The following MMP20 variants were observed in gnomAD, a reference collection of about 807,000 sequenced individuals.
MMP20 encodes matrix metalloproteinase-20.
MMP20 carries 50 observed loss-of-function variants against 51.8 expected under a neutral mutation model. The ratio of observed to expected loss-of-function variants is 0.97; its 90% CI spans 0.77 to 1.22. The LOEUF (loss-of-function observed/expected upper bound fraction) is 1.22, where lower values mean the gene tolerates loss of function less well. Among genes scored for constraint, MMP20 ranks in the 50% most tolerant of loss-of-function variants. The pLI, the probability that MMP20 is intolerant of heterozygous loss-of-function variation, is 0.00. For synonymous variants in MMP20, 244 were observed against 216.2 expected, an observed-to-expected ratio of 1.13 and a Z score of -1.13; for missense variants, 663 against 601.4, an observed-to-expected ratio of 1.10 and a Z score of -1.07.
chr11:102,625,081 T>G, intron 1 of MMP20, 113 bp downstream of exon 1: 1 of 1,393,380 alleles, frequency 7.2e-7, no homozygotes, highest in Non-Finnish European at 1.0e-6. Flanking sequence ...TCAATGGACT[T>G]ATATAAAATG....
intron 6 of MMP20, among the ~76,000 whole-genome samples, chr11:102,602,523 A>G (rs1859461533): frequency 6.6e-6 from 1 of 152,154 alleles, no homozygotes; most frequent in Non-Finnish European, 1.5e-5. Flanking sequence ...CAAATGCATA[A>G]CAGTCAATGG....
intron 8 of MMP20, among the ~76,000 whole-genome samples, chr11:102,579,883 A>G (rs1336948631): frequency 6.6e-6 from 1 of 152,198 alleles, no homozygotes; most frequent in Non-Finnish European, 1.5e-5. Flanking sequence ...TTCTCTATCA[A>G]TTCCTTGGTT....
chr11:102,594,943 TG>T (rs1374736564), intron 6 of MMP20, among the ~76,000 whole-genome samples, 186 bp from the exon 7 acceptor site: 1 of 150,808 alleles, frequency 6.6e-6, no homozygotes, highest in Non-Finnish European at 1.5e-5. Flanking sequence ...TCTTGCTGTT[TG>T]GCCCAGGCTG....
At chr11:102,600,510 G>A (rs1859432970) in intron 6 of MMP20, among the ~76,000 whole-genome samples, 2 of 151,958 alleles carry the variant, frequency 1.3e-5, no homozygotes, top group Non-Finnish European at 2.9e-5. Flanking sequence ...TTAAGATAGG[G>A]TCTCGCTCTG....
At chr11:102,607,641 G>GCA (rs1565396725) in intron 5 of MMP20, 1 of 138,698 alleles carries the variant, frequency 7.2e-6, no homozygotes. Context: ...GCGATCGGGT[G>GCA]GGTGATATGA....
chr11:102,582,897 T>C (rs773960725), intron 8 of MMP20, among the ~76,000 whole-genome samples: 24 of 152,206 alleles, frequency 1.6e-4, no homozygotes, highest in Non-Finnish European at 3.1e-4. Context: ...ATAACAAACA[T>C]CACATGCTGT....
chr11:102,618,157 G>T (rs1427742572), intron 1 of MMP20, among the ~76,000 whole-genome samples: 4 of 152,042 alleles, frequency 2.6e-5, no homozygotes, highest in African/African-American at 7.2e-5. Flanking sequence ...CAAAAAAAAT[G>T]TCTGTTTTGA....
At chr11:102,578,228 C>T (rs1159294385) in intron 9 of MMP20, among the ~76,000 whole-genome samples, 5 of 151,716 alleles carry the variant, frequency 3.3e-5, no homozygotes, top group East Asian at 1.9e-4. Context: ...ACCGCAGCCT[C>T]GACCTCCTGA....
At chr11:102,616,428 A>G (rs1208569285) in intron 2 of MMP20, among the ~76,000 whole-genome samples, 3 of 152,222 alleles carry the variant, frequency 2.0e-5, no homozygotes, top group African/African-American at 7.2e-5. Context: ...ATCATCAATA[A>G]AAGATTTTTG....
At chr11:102,612,886 G>A (rs977328762) in intron 2 of MMP20, among the ~76,000 whole-genome samples, 3 of 151,920 alleles carry the variant, frequency 2.0e-5, no homozygotes, top group East Asian at 3.9e-4. Context: ...ATAGGTGCCC[G>A]CCACCACGCC....
chr11:102,592,844 C>T (rs1440865517), intron 8 of MMP20, among the ~76,000 whole-genome samples: 1 of 152,192 alleles, frequency 6.6e-6, no homozygotes, highest in Admixed American at 6.5e-5. Context: ...AGGTGTGACC[C>T]TATGTGCAGT....
At chr11:102,581,170 G>A (rs1195166001) in intron 8 of MMP20, among the ~76,000 whole-genome samples, 3 of 136,720 alleles carry the variant, frequency 2.2e-5, no homozygotes, top group Non-Finnish European at 3.3e-5. Flanking sequence ...ACATGCACAC[G>A]CACACACCAC....
intron 8 of MMP20, among the ~76,000 whole-genome samples, chr11:102,583,785 C>T (rs561995310): frequency 6.6e-6 from 1 of 152,350 alleles, no homozygotes; most frequent in Admixed American, 6.5e-5. Flanking sequence ...AGTCCCCATA[C>T]TCCACATCCT....
chr11:102,591,086 A>C (rs1859311732), intron 8 of MMP20, among the ~76,000 whole-genome samples: 1 of 152,242 alleles, frequency 6.6e-6, no homozygotes, highest in African/African-American at 2.4e-5. Flanking sequence ...AACCAATAGA[A>C]GGCTTCATAT....
chr11:102,580,953 A>G (rs1236062734), intron 8 of MMP20, among the ~76,000 whole-genome samples: 6 of 152,204 alleles, frequency 3.9e-5, no homozygotes, highest in Admixed American at 3.9e-4. Context: ...GTGATGATCT[A>G]GCCCTTTGTT....
intron 6 of MMP20, among the ~76,000 whole-genome samples, chr11:102,597,549 C>T (rs1859396457): frequency 6.6e-6 from 1 of 152,082 alleles, no homozygotes; most frequent in African/African-American, 2.4e-5. Flanking sequence ...ATGAGCAGTG[C>T]TATTGGAGTC....
rs1859680767 is a variant in MMP20 at position 102,616,991 on chromosome 11, G to T, written c.195C>A (p.Ser65Arg). 6.2e-7 allele frequency: 1 copy of T among 1,614,124 alleles called. No homozygotes were observed. Among genetic ancestry groups the T allele is most frequent in the African/African-American group, 1.3e-5 (1 of 75,018 alleles). Residue 65 changes from serine (S) to arginine (R), a missense_variant, in exon 2 of 10, where the codon AGC becomes AGA. Physicochemically the swap from Ser to Arg is moderately radical, Grantham distance 110. Coordinates refer to ENST00000260228, the MANE Select transcript of MMP20 (RefSeq NM_004771.4). The part of the protein sequence containing the change: ...HQIGEMVARG[S>R]NSMIRKIKEL... ...CCTTAATCTTCCTTATCATGGAATT[G>T]CTTCCTCTTGCAACCATCTCACCAA...
intron 1 of MMP20, among the ~76,000 whole-genome samples, chr11:102,623,074 G>A (rs1859770948): frequency 6.6e-6 from 1 of 152,156 alleles, no homozygotes; most frequent in African/African-American, 2.4e-5. Context: ...CTTGGTCTAA[G>A]GTCTTTCTGA....
At chr11:102,581,183 A>G (rs899326586) in intron 8 of MMP20, among the ~76,000 whole-genome samples, 1 of 150,904 alleles carries the variant, frequency 6.6e-6, no homozygotes. Context: ...CACACCACAC[A>G]CACACACACA....
Sources: allele counts gnomAD v4.1 joint callset (sites outside exome capture counted in the v4.1 genomes callset), GRCh38; gene constraint gnomAD v4.1.1; transcripts MANE v1.5; gene names NCBI Gene and HGNC (gene_info 2026-07-23, HGNC 2026-07-21).